FBLN7: variants seen among roughly 807,000 people sequenced by gnomAD.
FBLN7 encodes the protein fibulin-7.
A neutral mutation model predicts 44.0 loss-of-function variants in FBLN7; 31 were observed. That is an observed-to-expected ratio of 0.70 (90% CI 0.53 to 0.95). The LOEUF (loss-of-function observed/expected upper bound fraction) is 0.95. Among genes scored for constraint, FBLN7 ranks in the 40% least tolerant of loss-of-function variants. The pLI, the probability that FBLN7 is intolerant of heterozygous loss-of-function variation, is 0.00. For synonymous variants in FBLN7, 262 were observed against 253.4 expected (o/e 1.03, Z -0.32); for missense variants, 573 against 618.5 (o/e 0.93, Z 0.78).
At chr2:112,160,804 G>GCA (rs546715298) in intron 2 of FBLN7, among the ~76,000 whole-genome samples, 2 of 135,266 alleles carry the variant, frequency 1.5e-5, no homozygotes, top group Non-Finnish European at 3.2e-5. Flanking sequence ...ACACACGCAC[G>GCA]CACACACACG....
At position 112,181,892 on chromosome 2, in the gene FBLN7, G is replaced by A. The variant is rs749045398; in HGVS notation, c.670+16G>A. On this transcript the variant is annotated intron_variant, in intron 5 of 7. Coordinates refer to ENST00000331203, the MANE Select transcript of FBLN7 (RefSeq NM_153214.3). ...GTCTGCCAGGGTAGGCGCGGGCTCCGCCAGGACACTGGGGACAGCACGGGG... is the reference window on the plus strand; with the variant it reads ...GTCTGCCAGGGTAGGCGCGGGCTCCACCAGGACACTGGGGACAGCACGGGG... 16 of 1,533,784 alleles carry A rather than the reference G, an allele frequency of 1.0e-5. No individual in the cohort carries two copies. The highest frequency in any genetic ancestry group is 2.4e-5 in the East Asian group (1 of 40,894).
intron 2 of FBLN7, among the ~76,000 whole-genome samples, chr2:112,161,577 C>G (rs1681871441): frequency 6.6e-6 from 1 of 152,148 alleles, no homozygotes. Flanking sequence ...CAAAGCCTTC[C>G]TTGTTTTCAT....
At chr2:112,159,879 C>T (rs1302886611) in intron 2 of FBLN7, 44 bp downstream of exon 2, 19 of 1,456,024 alleles carry the variant, frequency 1.3e-5, no homozygotes, top group Non-Finnish European at 1.7e-5. Context: ...GCGCAGCACT[C>T]GAGCACTCTC....
the FBLN7 span, among the ~76,000 whole-genome samples, chr2:112,206,595 G>C: frequency 2.6e-5 from 4 of 151,924 alleles, no homozygotes; most frequent in Admixed American, 2.6e-4. Context: ...TTTTTATAGA[G>C]ACCGGGTTTT....
At chr2:112,159,191 G>GTTTT (rs5833433) in intron 1 of FBLN7, among the ~76,000 whole-genome samples, 1 of 147,450 alleles carries the variant, frequency 6.8e-6, no homozygotes, top group Non-Finnish European at 1.5e-5. Context: ...ACTCTAGTGA[G>GTTTT]TTTTTTTTTT....
At chr2:112,152,798 C>G (rs1681225123) in intron 1 of FBLN7, 1 of 152,146 alleles carries the variant, frequency 6.6e-6, no homozygotes, top group South Asian at 2.1e-4. Flanking sequence ...GACTTGCCAG[C>G]CCCCATAACT....
the FBLN7 span, among the ~76,000 whole-genome samples, chr2:112,223,920 A>T: frequency 6.6e-6 from 1 of 152,204 alleles, no homozygotes; most frequent in Non-Finnish European, 1.5e-5. Flanking sequence ...AGGCAGGTGG[A>T]TCATTTGAGG....
chr2:112,172,144 T>C (rs1682497299), intron 3 of FBLN7, among the ~76,000 whole-genome samples: 1 of 152,224 alleles, frequency 6.6e-6, no homozygotes, highest in Admixed American at 6.5e-5. Flanking sequence ...TAAAATCCAG[T>C]GATTAACACA....
the FBLN7 span, chr2:112,238,480 T>C: frequency 1.2e-6 from 2 of 1,612,558 alleles, no homozygotes; most frequent in South Asian, 1.1e-5. Context: ...TCCTTACTTC[T>C]TGATTTTCTA....
the FBLN7 span, among the ~76,000 whole-genome samples, chr2:112,219,912 G>T: frequency 5.4e-4 from 82 of 152,206 alleles, no homozygotes; most frequent in African/African-American, 2.0e-3. Flanking sequence ...TCACTTCATA[G>T]GTCTTTAAAA....
At chr2:112,216,415 A>C in the FBLN7 span, 1 of 152,282 alleles carries the variant, frequency 6.6e-6, no homozygotes, top group Admixed American at 6.5e-5. Flanking sequence ...ACCAGTCTTG[A>C]ACAGTCTTGA....
In FBLN7 at chr2:112,187,935, G is replaced by A. The variant is rs1306907041; in HGVS notation, c.*429G>A. 3 of 223,264 alleles carry A rather than the reference G, an allele frequency of 1.3e-5. No homozygotes were observed. The highest frequency in any genetic ancestry group is 2.6e-5 in the Non-Finnish European group (3 of 113,720). The allele number at this position is 223,264 out of a possible 1,614,324, so 13.8% of individuals were successfully genotyped here. On this transcript the variant is annotated 3_prime_UTR_variant, in exon 8 of 8. Transcript: ENST00000331203. This position sits in a 1 kb window ranked among gnomAD's most constrained non-coding sequence, Gnocchi z 5.1. ...TGAAACGGTTCTAGTCGTGCGGGGG[G>A]CCCTAGTCATGCCTCTGCGCATGTG...
the FBLN7 span, among the ~76,000 whole-genome samples, chr2:112,225,054 T>C: frequency 5.9e-5 from 9 of 152,200 alleles, no homozygotes; most frequent in Admixed American, 5.9e-4. Flanking sequence ...CTGAATGAAA[T>C]TGTTTAAACT....
chr2:112,198,364 C>T, the FBLN7 span, among the ~76,000 whole-genome samples: 13 of 152,098 alleles, frequency 8.5e-5, no homozygotes, highest in Admixed American at 5.2e-4. Context: ...AGGCTGAGTG[C>T]GGTGGCTCAT....
At chr2:112,159,644 T>C (rs759202057) in intron 1 of FBLN7, 32 bp from the exon 2 acceptor site, 1 of 1,481,584 alleles carries the variant, frequency 6.7e-7, no homozygotes, top group Non-Finnish European at 9.0e-7. Flanking sequence ...TCAGTCTCAA[T>C]GGGTGGTGGC....
chr2:112,183,861 G>A (rs542131261), intron 6 of FBLN7, among the ~76,000 whole-genome samples: 1 of 152,272 alleles, frequency 6.6e-6, no homozygotes, highest in African/African-American at 2.4e-5. Flanking sequence ...TGTGTGCAGA[G>A]TGGGTTGGTT....
chr2:112,196,380 T>C, the FBLN7 span, among the ~76,000 whole-genome samples: 3 of 139,068 alleles, frequency 2.2e-5, no homozygotes, highest in South Asian at 4.8e-4. Flanking sequence ...TCTTCTTTTT[T>C]TTTTTTTTTT....
chr2:112,210,856 A>G, the FBLN7 span, among the ~76,000 whole-genome samples: 1 of 152,230 alleles, frequency 6.6e-6, no homozygotes, highest in Admixed American at 6.5e-5. Flanking sequence ...TAATGAACAC[A>G]TCTAGCAACC....
chr2:112,237,522 A>G, the FBLN7 span, among the ~76,000 whole-genome samples: 4 of 152,210 alleles, frequency 2.6e-5, no homozygotes, highest in African/African-American at 9.7e-5. Context: ...GGCTCAAGCA[A>G]TACAGATCCA....
Sources: gnomAD v4.1 joint callset for allele counts (sites outside exome capture counted in the v4.1 genomes callset) on GRCh38, gnomAD v4.1.1 for gene constraint, Gnocchi (gnomAD v3.1) non-coding constraint, MANE v1.5 for transcripts, NCBI Gene and HGNC (gene_info 2026-07-23, HGNC 2026-07-21) for gene names.